DPP6: variants seen among roughly 807,000 people sequenced by gnomAD.
The protein encoded by DPP6 is dipeptidyl peptidase like 6.
DPP6 carries 69 observed loss-of-function variants against 122.6 expected under a neutral mutation model. The observed-to-expected ratio is 0.56, with a 90% confidence interval of 0.46 to 0.69. The LOEUF (loss-of-function observed/expected upper bound fraction) is 0.69, where lower values mean the gene tolerates loss of function less well. Among genes scored for constraint, DPP6 ranks in the 30% least tolerant of loss-of-function variants. The pLI is 0.00. For missense variants in DPP6, 928 were observed against 1,116.9 expected (o/e 0.83, Z 2.41); for synonymous variants, 418 against 433.1 (o/e 0.97, Z 0.43).
chr7:153,940,510 TA>T (rs1801649055), intron 1 of DPP6, among the ~76,000 whole-genome samples: 1 of 152,144 alleles, frequency 6.6e-6, no homozygotes, highest in Non-Finnish European at 1.5e-5. Context: ...ATTTTATAGC[TA>T]GGGGAACTAA....
At chr7:154,061,750 C>A (rs1300346659) in intron 1 of DPP6, among the ~76,000 whole-genome samples, 1,368 of 85,336 alleles carry the variant, frequency 0.016, 1 homozygote, top group African/African-American at 0.037. Flanking sequence ...CCCTTTCCTC[C>A]CCTGGCTCTT....
intron 1 of DPP6, among the ~76,000 whole-genome samples, chr7:153,922,837 C>A (rs1448916675): frequency 1.3e-5 from 2 of 152,198 alleles, no homozygotes; most frequent in African/African-American, 4.8e-5. Context: ...TAGCGAGCCC[C>A]CAGCACTCTG....
At chr7:154,774,042 A>G (rs1460828816) in intron 10 of DPP6, among the ~76,000 whole-genome samples, 1 of 152,152 alleles carries the variant, frequency 6.6e-6, no homozygotes, top group African/African-American at 2.4e-5. Flanking sequence ...AAGATCCCCA[A>G]GTGGATGGAT....
intron 6 of DPP6, among the ~76,000 whole-genome samples, chr7:154,652,504 C>G (rs1836942405): frequency 6.6e-6 from 1 of 151,574 alleles, no homozygotes; most frequent in African/African-American, 2.4e-5. Flanking sequence ...ATGCAGCTCT[C>G]TGGGAGAAGG....
intron 1 of DPP6, among the ~76,000 whole-genome samples, chr7:154,012,413 G>T (rs537141750): frequency 6.6e-6 from 1 of 152,262 alleles, no homozygotes; most frequent in African/African-American, 2.4e-5. Flanking sequence ...TAGGCAATTT[G>T]TTTCTTAGAT....
At chr7:154,764,980 A>T (rs1795808699) in intron 8 of DPP6, among the ~76,000 whole-genome samples, 1 of 151,980 alleles carries the variant, frequency 6.6e-6, no homozygotes. Flanking sequence ...CACCCCCATA[A>T]CCCAGACACC....
chr7:154,668,090 C>T (rs1838277724), intron 6 of DPP6, among the ~76,000 whole-genome samples: 1 of 149,548 alleles, frequency 6.7e-6, no homozygotes, highest in African/African-American at 2.5e-5. Context: ...CCTGCCTCAT[C>T]TCCTTTGTTC....
chr7:154,487,202 T>C (rs1010968678), intron 3 of DPP6, among the ~76,000 whole-genome samples: 16 of 152,310 alleles, frequency 1.1e-4, no homozygotes, highest in African/African-American at 3.6e-4. Context: ...CGTGTATACG[T>C]ACATATTTTT....
intron 1 of DPP6, among the ~76,000 whole-genome samples, chr7:154,029,225 G>A (rs1158825540): frequency 1.3e-5 from 2 of 149,682 alleles, no homozygotes; most frequent in Non-Finnish European, 3.0e-5. Context: ...ATTAGAAATT[G>A]TCTTATGTCA....
intron 10 of DPP6, among the ~76,000 whole-genome samples, chr7:154,774,742 T>C (rs1008459654): frequency 1.3e-5 from 2 of 152,214 alleles, no homozygotes; most frequent in Non-Finnish European, 2.9e-5. Context: ...AGAGCAGATG[T>C]TTAGTATTTG....
At chr7:154,207,468 C>T (rs1213025905) in intron 1 of DPP6, among the ~76,000 whole-genome samples, 3 of 152,238 alleles carry the variant, frequency 2.0e-5, no homozygotes, top group African/African-American at 4.8e-5. Flanking sequence ...CAGACCACTT[C>T]ACCTGTTGGG....
intron 1 of DPP6, among the ~76,000 whole-genome samples, chr7:153,979,060 GT>G (rs1268904874): frequency 6.6e-6 from 1 of 152,002 alleles, no homozygotes. Flanking sequence ...ATTTAAAGTA[GT>G]TTTTTCTAAT....
At chr7:154,662,744 T>C (rs1586837333) in intron 6 of DPP6, among the ~76,000 whole-genome samples, 4 of 66,170 alleles carry the variant, frequency 6.0e-5, no homozygotes, top group South Asian at 8.4e-4. Context: ...GTAGTGTTCA[T>C]ATAGTCATGG....
At chr7:154,392,100 CCT>C (rs1814676181) in intron 1 of DPP6, among the ~76,000 whole-genome samples, 1 of 152,084 alleles carries the variant, frequency 6.6e-6, no homozygotes, top group Non-Finnish European at 1.5e-5. Context: ...ATGGTGAAAC[CCT>C]GTCTCTACTA....
At chr7:154,136,545 A>G (rs1167586358) in intron 1 of DPP6, among the ~76,000 whole-genome samples, 1 of 152,116 alleles carries the variant, frequency 6.6e-6, no homozygotes, top group African/African-American at 2.4e-5. Flanking sequence ...TTGTCAATAC[A>G]TTTTCAGACA....
chr7:154,802,924 C>T (rs1397747584), intron 13 of DPP6, among the ~76,000 whole-genome samples: 1 of 152,180 alleles, frequency 6.6e-6, no homozygotes, highest in Non-Finnish European at 1.5e-5. Context: ...CATCATTTGC[C>T]CGGAGCCCTA....
intron 5 of DPP6, among the ~76,000 whole-genome samples, chr7:154,575,374 T>G (rs1415829379): frequency 8.1e-6 from 1 of 123,398 alleles, no homozygotes; most frequent in Non-Finnish European, 1.7e-5. Flanking sequence ...GATGTGTGTG[T>G]ATGTGTGTGA....
At position 154,169,878 on chromosome 7, in the gene DPP6, G is replaced by A. The variant is rs528279029; in HGVS notation, c.243+116815G>A. Among the ~76,000 whole-genome samples, 9 of 152,160 alleles carry A rather than the reference G, an allele frequency of 5.9e-5. No individual in the cohort carries two copies. The East Asian group carries it at 1.2e-3, about 20-fold the overall frequency. ...CCCAAGTAGCTGAGACTATAGGCAC[G>A]CGCTATCATGCCTGGCTAATTTTTT... On this transcript the variant is annotated intron_variant, in intron 1 of 25. Transcript: ENST00000377770.
chr7:154,657,613 G>C lies in DPP6; in HGVS notation c.681-11747G>C. ...GAGGTGCTCATGGGTGGGTGGAGAGGCTGCGTGGGAGGAGGTGCTCATGGG... is the reference window on the plus strand; with the variant it reads ...GAGGTGCTCATGGGTGGGTGGAGAGCCTGCGTGGGAGGAGGTGCTCATGGG... On this transcript the variant is annotated intron_variant, in intron 6 of 25. Coordinates refer to ENST00000377770, the MANE Select transcript of DPP6 (RefSeq NM_130797.4). Among the ~76,000 whole-genome samples, 2 of 746 alleles carry C rather than the reference G, an allele frequency of 2.7e-3. 1 individual carries two copies. The highest frequency in any genetic ancestry group is 0.013 in the Non-Finnish European group (2 of 152). 0.5% of individuals were successfully genotyped at this position (746 alleles called of 152,430 possible).
Sources: allele counts gnomAD v4.1 joint callset (sites outside exome capture counted in the v4.1 genomes callset), GRCh38; gene constraint gnomAD v4.1.1; transcripts MANE v1.5; gene names NCBI Gene and HGNC (gene_info 2026-07-23, HGNC 2026-07-21).